Variants in PPARGC1A observed in about 807,000 individuals in gnomAD.
The protein encoded by PPARGC1A is PPARG coactivator 1 alpha.
In PPARGC1A, 25 loss-of-function variants were observed where a neutral mutation model predicts 88.7. That is an observed-to-expected ratio of 0.28 (90% CI 0.21 to 0.39). PPARGC1A has a LOEUF of 0.39. Among genes scored for constraint, PPARGC1A ranks in the 10% least tolerant of loss-of-function variants. PPARGC1A has a pLI of 1.00. For missense variants in PPARGC1A, 880 were observed against 968.7 expected (o/e 0.91, Z 1.22); for synonymous variants, 363 against 355.6 (o/e 1.02, Z -0.24).
the PPARGC1A span, among the ~76,000 whole-genome samples, chr4:23,988,218 G>A: frequency 6.6e-6 from 1 of 152,138 alleles, no homozygotes; most frequent in East Asian, 1.9e-4. Context: ...CCAGGCCTTT[G>A]CTATTGTGAA....
At chr4:24,127,344 C>A in the PPARGC1A span, among the ~76,000 whole-genome samples, 1 of 151,978 alleles carries the variant, frequency 6.6e-6, no homozygotes, top group Non-Finnish European at 1.5e-5. Flanking sequence ...GTGGGGGAAC[C>A]ATAGCCTTTT....
At chr4:24,431,055 G>A in the PPARGC1A span, among the ~76,000 whole-genome samples, 16 of 150,940 alleles carry the variant, frequency 1.1e-4, no homozygotes, top group East Asian at 2.7e-3. Flanking sequence ...AACCCGGGAG[G>A]TGGAGGTTGT....
chr4:24,446,042 C>A, the PPARGC1A span, among the ~76,000 whole-genome samples: 1 of 151,868 alleles, frequency 6.6e-6, no homozygotes, highest in Non-Finnish European at 1.5e-5. Flanking sequence ...CTCCAGCCTG[C>A]ACATCAGAGC....
the PPARGC1A span, among the ~76,000 whole-genome samples, chr4:23,956,577 A>G: frequency 1.3e-5 from 2 of 151,948 alleles, no homozygotes; most frequent in Admixed American, 6.6e-5. Flanking sequence ...CTCTACCCCC[A>G]AGATCATTGA....
At chr4:23,986,684 C>G in the PPARGC1A span, among the ~76,000 whole-genome samples, 1 of 152,036 alleles carries the variant, frequency 6.6e-6, no homozygotes, top group African/African-American at 2.4e-5. Flanking sequence ...GAAATTGAGG[C>G]TGAGAAAAGT....
chr4:24,220,474 G>A, the PPARGC1A span, among the ~76,000 whole-genome samples: 1 of 152,102 alleles, frequency 6.6e-6, no homozygotes, highest in Non-Finnish European at 1.5e-5. Flanking sequence ...AATCAACCCA[G>A]GTACCCATCA....
the PPARGC1A span, among the ~76,000 whole-genome samples, chr4:24,461,188 G>A: frequency 6.6e-6 from 1 of 152,168 alleles, no homozygotes; most frequent in Non-Finnish European, 1.5e-5. Context: ...CCTCCCAAAC[G>A]CTAGGATTGC....
the PPARGC1A span, among the ~76,000 whole-genome samples, chr4:24,127,712 C>T: frequency 1.3e-5 from 2 of 152,042 alleles, no homozygotes; most frequent in Non-Finnish European, 2.9e-5. Flanking sequence ...AGGACAGTTA[C>T]CTCCTTCTTC....
chr4:23,908,813 A>C (rs1386320452), upstream of PPARGC1A, among the ~76,000 whole-genome samples: 1 of 152,180 alleles, frequency 6.6e-6, no homozygotes, highest in African/African-American at 2.4e-5. Context: ...ACAGACACAC[A>C]TCACAAAGCT....
At chr4:24,228,508 A>G in the PPARGC1A span, among the ~76,000 whole-genome samples, 1 of 152,058 alleles carries the variant, frequency 6.6e-6, no homozygotes, top group Non-Finnish European at 1.5e-5. Context: ...GCAGGGTAGA[A>G]GGGAGGCAAG....
the PPARGC1A span, among the ~76,000 whole-genome samples, chr4:24,246,018 A>T: frequency 6.6e-6 from 1 of 152,028 alleles, no homozygotes; most frequent in African/African-American, 2.4e-5. Context: ...CTCTCTATGA[A>T]TAATTTCTCC....
chr4:24,357,652 C>G, the PPARGC1A span, among the ~76,000 whole-genome samples: 3 of 152,148 alleles, frequency 2.0e-5, no homozygotes, highest in South Asian at 4.2e-4. Flanking sequence ...AATTGTAGCT[C>G]CCATAATTCC....
chr4:24,262,150 C>G, the PPARGC1A span, among the ~76,000 whole-genome samples: 2 of 152,186 alleles, frequency 1.3e-5, no homozygotes, highest in Admixed American at 1.3e-4. Context: ...CCTTCCCACC[C>G]CTAGTAGCAG....
At chr4:24,175,781 T>A in the PPARGC1A span, among the ~76,000 whole-genome samples, 14 of 151,942 alleles carry the variant, frequency 9.2e-5, no homozygotes, top group Non-Finnish European at 1.6e-4. Context: ...AAAATATTTT[T>A]AAAAAATATT....
chr4:23,922,033 T>G, the PPARGC1A span, among the ~76,000 whole-genome samples: 1 of 152,240 alleles, frequency 6.6e-6, no homozygotes, highest in Non-Finnish European at 1.5e-5. Context: ...ATATTATGCA[T>G]GCTTGAAGGT....
chr4:23,809,313 G>A (rs990864760), intron 10 of PPARGC1A, among the ~76,000 whole-genome samples: 9 of 152,132 alleles, frequency 5.9e-5, no homozygotes, highest in Admixed American at 4.6e-4. Context: ...AAAAATTCAT[G>A]TAGGTAAACT....
At chr4:24,430,897 C>T in the PPARGC1A span, among the ~76,000 whole-genome samples, 2 of 151,926 alleles carry the variant, frequency 1.3e-5, no homozygotes, top group Non-Finnish European at 2.9e-5. Flanking sequence ...GCAGGCGGAT[C>T]GCCTGAGGTC....
chr4:24,030,588 T>C, the PPARGC1A span, among the ~76,000 whole-genome samples: 1 of 152,212 alleles, frequency 6.6e-6, no homozygotes, highest in South Asian at 2.1e-4. Flanking sequence ...TTATTTCCCT[T>C]GATCACCTTC....
chr4:23,800,044 T>C (rs1174464818), intron 12 of PPARGC1A, among the ~76,000 whole-genome samples: 1 of 152,212 alleles, frequency 6.6e-6, no homozygotes, highest in Non-Finnish European at 1.5e-5. Context: ...ATTTAGCTTG[T>C]GGAGTGAATT....
Sources: allele counts gnomAD v4.1 joint callset (sites outside exome capture counted in the v4.1 genomes callset), GRCh38; gene constraint gnomAD v4.1.1; transcripts MANE v1.5; gene names NCBI Gene and HGNC (gene_info 2026-07-23, HGNC 2026-07-21).